ADSS1: variants seen among roughly 807,000 people sequenced by gnomAD.
The protein encoded by ADSS1 is adenylosuccinate synthase 1.
ADSS1 carries 57 observed loss-of-function variants against 59.1 expected under a neutral mutation model. That is an observed-to-expected ratio of 0.97 (90% CI 0.78 to 1.20). The LOEUF is 1.20. ADSS1 is among the 50% of genes most tolerant of loss of function. The pLI is 0.00. For synonymous variants in ADSS1, 247 were observed against 249.4 expected (o/e 0.99, Z 0.09); for missense variants, 603 against 610.3 (o/e 0.99, Z 0.13).
At chr14:104,725,164 C>T (rs1337627366) in intron 1 of ADSS1, among the ~76,000 whole-genome samples, 8 of 152,188 alleles carry the variant, frequency 5.3e-5, no homozygotes, top group Non-Finnish European at 1.2e-4. Flanking sequence ...CTTTGTCCCC[C>T]AGGGCCCAGG....
chr14:104,730,275 C>T (rs1204190312), intron 1 of ADSS1: 2 of 1,426,654 alleles, frequency 1.4e-6, no homozygotes, highest in Admixed American at 2.7e-5. Context: ...GAGCGGATCA[C>T]TTAGGGTCAG....
rs936450036 is a variant in ADSS1, at chr14:104,726,155, A to G, written c.192+1693A>G. Reference sequence around the variant, plus strand: ...CCCCTGGCTCTCCAAGTGAGTGGGAATAAAAGAGGTTTGTCCCTGGAGCCC... The same window carrying G: ...CCCCTGGCTCTCCAAGTGAGTGGGAGTAAAAGAGGTTTGTCCCTGGAGCCC... On this transcript the variant is annotated intron_variant, in intron 1 of 12. Transcript: ENST00000330877. 1.6e-4 allele frequency among the ~76,000 whole-genome samples: 24 copies of G among 152,286 alleles called. 1 individual carries two copies. Among genetic ancestry groups the G allele is most frequent in the Admixed American group, 1.6e-3 (24 of 15,304 alleles).
At chr14:104,745,266 G>A (rs113439009) in intron 11 of ADSS1, 6 of 251,662 alleles carry the variant, frequency 2.4e-5, no homozygotes, top group South Asian at 1.2e-4. Context: ...GGATGCGGTC[G>A]GCTCTGGAAG....
chr14:104,725,998 C>G (rs1300037267), intron 1 of ADSS1, among the ~76,000 whole-genome samples: 2 of 152,224 alleles, frequency 1.3e-5, no homozygotes, highest in Non-Finnish European at 2.9e-5. Flanking sequence ...CCAGTCCCCC[C>G]ACAGCCCCGC....
At chr14:104,725,774 C>T (rs1595191803) in intron 1 of ADSS1, among the ~76,000 whole-genome samples, 1 of 152,172 alleles carries the variant, frequency 6.6e-6, no homozygotes. Context: ...GCGCCCTCAG[C>T]GTGGGGCAGC....
At chr14:104,733,443 G>T (rs1226101570) in intron 1 of ADSS1, among the ~76,000 whole-genome samples, 1 of 152,202 alleles carries the variant, frequency 6.6e-6, no homozygotes, top group Non-Finnish European at 1.5e-5. Flanking sequence ...CCCCAGGGTT[G>T]CCCTGCCACG....
At chr14:104,729,184 T>C (rs578030813) in intron 1 of ADSS1, among the ~76,000 whole-genome samples, 2 of 152,176 alleles carry the variant, frequency 1.3e-5, no homozygotes, top group South Asian at 4.1e-4. Context: ...AAAGGGCCTA[T>C]GGACTGCAGG....
At chr14:104,739,253 C>T in intron 3 of ADSS1, 75 bp from the exon 4 acceptor site, 2 of 1,509,856 alleles carry the variant, frequency 1.3e-6, no homozygotes, top group South Asian at 2.4e-5. Context: ...GCGAGCTAGC[C>T]CAGCTCTGGC....
At chr14:104,728,090 G>A (rs55696178) in intron 1 of ADSS1, among the ~76,000 whole-genome samples, 2,863 of 152,316 alleles carry the variant, frequency 0.019, 37 homozygotes, top group Middle Eastern at 0.037. Context: ...GTGTGGCAGC[G>A]CCAGGTGGGA....
intron 1 of ADSS1, among the ~76,000 whole-genome samples, chr14:104,732,713 G>GC (rs1025830257): frequency 5.9e-5 from 9 of 152,158 alleles, no homozygotes; most frequent in South Asian, 2.1e-4. Context: ...CTCGACGCCT[G>GC]CCCCCCCGCC....
chr14:104,739,435 C>A, intron 4 of ADSS1, 57 bp downstream of exon 4: 1 of 1,556,418 alleles, frequency 6.4e-7, no homozygotes, highest in Admixed American at 1.9e-5. Flanking sequence ...CATTGCCAGC[C>A]GGCCCTGCTC....
rs938491976 is a variant in ADSS1, at chr14:104,746,778, A to G, written c.1322-173A>G. 1.2e-5 allele frequency: 8 copies of G among 658,892 alleles called. No homozygotes were observed. In the African/African-American group the frequency reaches 1.4e-4, roughly 12 times the overall value. 40.8% of individuals were successfully genotyped at this position (658,892 alleles called of 1,614,324 possible). A position where few individuals can be genotyped will look rare whatever the true frequency, so the allele number is the denominator to read the frequency against. ...TCCTGTTTTCCGCTGCGGGAGGATC[A>G]GTCCCCCAACATGCACTACCTTCAT... On this transcript the variant is annotated intron_variant, in intron 12 of 12. Coordinates refer to ENST00000330877, the MANE Select transcript of ADSS1 (RefSeq NM_152328.5).
rs1195701113 is a variant in ADSS1, at chr14:104,746,348, C to CTACA, written c.1286_1289dup (p.Arg431HisfsTer33). ...AGGACCTGCCCCCACAGGCCCAGAACTACATCCGCTTTGTGGAGAATCACG... is the reference window on the plus strand; with the variant it reads ...AGGACCTGCCCCCACAGGCCCAGAACTACATACATCCGCTTTGTGGAGAATCACG... On this transcript the variant is annotated frameshift_variant, in exon 12 of 13. Transcript: ENST00000330877. LOFTEE classifies it high-confidence loss of function. 6.2e-7 allele frequency: 1 copy of CTACA among 1,613,700 alleles called. No homozygotes were observed. The highest frequency in any genetic ancestry group is 1.7e-5 in the Admixed American group (1 of 60,026).
chr14:104,740,620 G>A lies in ADSS1; in HGVS notation c.496G>A (p.Gly166Arg), dbSNP rs1315662611. 2 of 1,613,772 alleles carry A rather than the reference G, an allele frequency of 1.2e-6. No homozygotes were observed. Among genetic ancestry groups the A allele is most frequent in the African/African-American group, 2.7e-5 (2 of 74,878 alleles). Residue 166 changes from glycine to arginine, a missense_variant, in exon 6 of 13, where the codon GGA (glycine) becomes AGA (arginine). Transcript: ENST00000330877. The surrounding 1 kb of genome is among the most constrained non-coding windows in gnomAD (Gnocchi z 4.8). Reference sequence around the variant, plus strand: ...TTTCAGTATAGGCACCACCAAGAAGGGAATCGGACCAACCTACTCTTCCAA... The same window carrying A: ...TTTCAGTATAGGCACCACCAAGAAGAGAATCGGACCAACCTACTCTTCCAA... ...EGKNIGTTKK[G>R]IGPTYSSKAA...
chr14:104,729,297 C>T (rs1281268046), intron 1 of ADSS1, among the ~76,000 whole-genome samples: 2 of 152,128 alleles, frequency 1.3e-5, no homozygotes, highest in East Asian at 1.9e-4. Flanking sequence ...CAGGTGGCAT[C>T]CCAAGGATTT....
intron 12 of ADSS1, among the ~76,000 whole-genome samples, 193 bp downstream of exon 12, chr14:104,746,578 G>A (rs1891567933): frequency 6.6e-6 from 1 of 152,218 alleles, no homozygotes; most frequent in Non-Finnish European, 1.5e-5. Context: ...GTGTGACCTT[G>A]CCGGGAGCCC....
intron 9 of ADSS1, among the ~76,000 whole-genome samples, chr14:104,742,845 G>A (rs1891418140): frequency 6.6e-6 from 1 of 152,250 alleles, no homozygotes; most frequent in South Asian, 2.1e-4. Flanking sequence ...GCCGGCTCGG[G>A]TGGCATTGTG....
At position 104,739,315 on chromosome 14, in the gene ADSS1, C is replaced by G. The variant is rs373349360; in HGVS notation, c.359-13C>G. On this transcript the variant is annotated splice_polypyrimidine_tract_variant and intron_variant, in intron 3 of 12. Coordinates refer to ENST00000330877, the MANE Select transcript of ADSS1 (RefSeq NM_152328.5). Reference sequence around the variant, plus strand: ...TGTGAACACTGACCCACCTGTGTGCCGTGTCCCCGCAGGCCTGAAGGACTG... The same window carrying G: ...TGTGAACACTGACCCACCTGTGTGCGGTGTCCCCGCAGGCCTGAAGGACTG... 1.4e-5 allele frequency: 23 copies of G among 1,605,806 alleles called. No homozygotes were observed. Among genetic ancestry groups the G allele is most frequent in the Middle Eastern group, 1.7e-4 (1 of 6,048 alleles).
At chr14:104,738,927 G>A (rs117592156) in intron 3 of ADSS1, among the ~76,000 whole-genome samples, 3,306 of 152,300 alleles carry the variant, frequency 0.022, 58 homozygotes, top group Non-Finnish European at 0.034. Flanking sequence ...CGGGACGGGT[G>A]TGAAAAGAGC....
Sources: gnomAD v4.1 joint callset for allele counts (sites outside exome capture counted in the v4.1 genomes callset) on GRCh38, gnomAD v4.1.1 for gene constraint, Gnocchi (gnomAD v3.1) non-coding constraint, MANE v1.5 for transcripts, NCBI Gene and HGNC (gene_info 2026-07-23, HGNC 2026-07-21) for gene names.